The following ZNF346 variants were observed in gnomAD, a reference collection of about 807,000 sequenced individuals.
ZNF346 encodes the protein zinc finger protein 346.
Under a neutral mutation model 33.7 loss-of-function variants are expected in ZNF346, and 23 were observed. That is an observed-to-expected ratio of 0.68 (90% CI 0.49 to 0.97). ZNF346 has a LOEUF of 0.97. Ranked by LOEUF, ZNF346 falls within the 50% of genes least tolerant of loss-of-function variation. The probability of loss-of-function intolerance (pLI) is 0.00; values close to 1 mark genes in which losing one functional copy is unlikely to be tolerated. For missense variants in ZNF346, 340 were observed against 371.1 expected, an observed-to-expected ratio of 0.92 and a Z score of 0.69; for synonymous variants, 134 against 142.4, an observed-to-expected ratio of 0.94 and a Z score of 0.42.
In ZNF346 at chr5:177,064,535, C is replaced by T. The variant is rs1362085515; in HGVS notation, c.821C>T (p.Ser274Phe). The change falls in exon 7 of 7, where the codon TCC becomes TTC. Residue 274 changes from serine (S) to phenylalanine (F), a missense_variant. Coordinates refer to ENST00000358149, the MANE Select transcript of ZNF346 (RefSeq NM_012279.4). Reference sequence around the variant, plus strand: ...AGGTCACCAAAAACAGTGGCATCATCCCTGGGCCAGATTCCAATGCAAAGG... The same window carrying T: ...AGGTCACCAAAAACAGTGGCATCATTCCTGGGCCAGATTCCAATGCAAAGG... ...KNQSPKTVAS[S>F]LGQIPMQRQP... The T allele has an allele frequency of 6.2e-7, 1 of 1,614,106 alleles. No homozygotes were observed. Among genetic ancestry groups the T allele is most frequent in the East Asian group, 2.2e-5 (1 of 44,900 alleles).
downstream of ZNF346, among the ~76,000 whole-genome samples, chr5:177,068,952 C>T (rs1581979678): frequency 4.2e-5 from 6 of 143,534 alleles, no homozygotes; most frequent in South Asian, 1.3e-3. Flanking sequence ...CAGTCACCCT[C>T]CAGATCAAGA....
chr5:177,065,480 C>T lies in ZNF346; in HGVS notation c.*881C>T, dbSNP rs2149711430. The T allele has an allele frequency of 6.5e-6, 1 of 152,832 alleles. No individual in the cohort carries two copies. Among genetic ancestry groups the T allele is most frequent in the Admixed American group, 6.5e-5 (1 of 15,290 alleles). The allele number at this position is 152,832 out of a possible 1,614,324, so 9.5% of individuals were successfully genotyped here. A position where few individuals can be genotyped will look rare whatever the true frequency, so the allele number is the denominator to read the frequency against. ...AGGTTCATTGCTACCCTCGGCCCTA[C>T]TAGCCCTCTCTTCCCCCTTGTGCAG... On this transcript the variant is annotated 3_prime_UTR_variant, in exon 7 of 7. Coordinates refer to ENST00000358149, the MANE Select transcript of ZNF346 (RefSeq NM_012279.4).
chr5:177,074,122 C>T (rs1015318203), intron 8 of ZNF346, among the ~76,000 whole-genome samples: 1 of 152,192 alleles, frequency 6.6e-6, no homozygotes, highest in Non-Finnish European at 1.5e-5. Flanking sequence ...CAGCTAATCA[C>T]AGAATTGTGA....
chr5:177,023,849 T>C (rs1776274349), intron 1 of ZNF346, among the ~76,000 whole-genome samples: 1 of 152,014 alleles, frequency 6.6e-6, no homozygotes, highest in Non-Finnish European at 1.5e-5. Flanking sequence ...AAGTTTAATA[T>C]GCTATTTGTG....
intron 5 of ZNF346, chr5:177,052,825 T>C (rs1781140120): frequency 6.6e-6 from 1 of 152,204 alleles, no homozygotes; most frequent in South Asian, 2.1e-4. Flanking sequence ...GTGAAAGCAA[T>C]AGATGTTGAG....
intron 5 of ZNF346, among the ~76,000 whole-genome samples, chr5:177,056,462 A>G (rs528299880): frequency 6.6e-6 from 1 of 152,284 alleles, no homozygotes; most frequent in Non-Finnish European, 1.5e-5. Context: ...CTATAAAGAC[A>G]CATGTATGTT....
At chr5:177,043,698 A>G (rs949313552) in intron 3 of ZNF346, among the ~76,000 whole-genome samples, 4 of 151,844 alleles carry the variant, frequency 2.6e-5, no homozygotes, top group African/African-American at 7.3e-5. Flanking sequence ...CTGGAGGTGG[A>G]GGTTGCAGTG....
At chr5:177,038,876 T>TGTGTGTGTGTGTG (rs1554145941) in intron 1 of ZNF346, among the ~76,000 whole-genome samples, 1 of 135,358 alleles carries the variant, frequency 7.4e-6, no homozygotes, top group African/African-American at 2.8e-5. Context: ...CTTCTTCTTC[T>TGTGTGTGTGTGTG]TGTGTGTGTG....
chr5:177,058,937 G>A (rs748346469), intron 5 of ZNF346, among the ~76,000 whole-genome samples: 1 of 152,170 alleles, frequency 6.6e-6, no homozygotes, highest in Non-Finnish European at 1.5e-5. Flanking sequence ...GTTTCACCAG[G>A]TTGGCTAGGC....
intron 1 of ZNF346, 62 bp downstream of exon 1, chr5:177,022,975 C>A: frequency 6.9e-7 from 1 of 1,439,774 alleles, no homozygotes; most frequent in South Asian, 1.5e-5. Context: ...CGGGGAACTG[C>A]GGAAGCGCCG....
Position 177,041,187 on chromosome 5 carries a change from C to T in ZNF346, c.237C>T (p.Cys79=), listed in dbSNP as rs200491700. The T allele has an allele frequency of 1.2e-5, 20 of 1,614,066 alleles. No homozygotes were observed. The highest frequency in any genetic ancestry group is 3.3e-4 in the Middle Eastern group (2 of 6,082). ...LFTNTQCKVC[C]ALLISESQKL... is the part of the protein sequence containing the mutation. ...CCAACACCCAGTGTAAGGTTTGCTG[C>T]GCCTTGCTTATTTCTGAGTCCCAGA... Residue 79 remains cysteine (C), a synonymous_variant, in exon 2 of 7, where the codon TGC becomes TGT. Coordinates refer to ENST00000358149, the MANE Select transcript of ZNF346 (RefSeq NM_012279.4).
At chr5:177,044,573 C>T in intron 4 of ZNF346, 40 bp downstream of exon 4, 2 of 1,607,502 alleles carry the variant, frequency 1.2e-6, no homozygotes, top group East Asian at 4.5e-5. Context: ...GGGACCCCTG[C>T]CGTCCTCAGG....
chr5:177,043,626 T>G lies in ZNF346; in HGVS notation c.373-763T>G, dbSNP rs139675078. Reference sequence around the variant, plus strand: ...ATAAAAAATACAAAAATTAGCCGGGTGTGGTGGCATATTCCTGTAGTCTGG... The same window carrying G: ...ATAAAAAATACAAAAATTAGCCGGGGGTGGTGGCATATTCCTGTAGTCTGG... On this transcript the variant is annotated intron_variant, in intron 3 of 6. Coordinates refer to ENST00000358149, the MANE Select transcript of ZNF346 (RefSeq NM_012279.4). 5.5e-3 allele frequency among the ~76,000 whole-genome samples: 834 copies of G among 151,710 alleles called. 4 individuals are homozygous for G. Among genetic ancestry groups the G allele is most frequent in the Non-Finnish European group, 8.7e-3 (594 of 67,902 alleles).
At chr5:177,079,996 G>A (rs1190367763) in exon 9 of ZNF346, 1 of 152,312 alleles carries the variant, frequency 6.6e-6, no homozygotes, top group Non-Finnish European at 1.5e-5. Flanking sequence ...CCAGCCCAGG[G>A]TAGTTAGAAC....
In ZNF346 at chr5:177,066,078, A is replaced by T. The variant is rs541954303; in HGVS notation, c.*1479A>T. 1.2e-4 allele frequency: 18 copies of T among 147,524 alleles called. No homozygotes were observed. The highest frequency in any genetic ancestry group is 1.1e-3 in the Admixed American group (16 of 14,522). 9.1% of individuals were successfully genotyped at this position (147,524 alleles called of 1,614,324 possible). The stretch of plus-strand genomic sequence containing the variant: ...CATTCAGACCTCAGTAGTCCCCAGT[A>T]GTCACTTTAGGAGTTGGGACAGAGT... On this transcript the variant is annotated 3_prime_UTR_variant, in exon 7 of 7. Coordinates refer to ENST00000358149, the MANE Select transcript of ZNF346 (RefSeq NM_012279.4).
At chr5:177,036,276 G>A (rs1289201199) in intron 1 of ZNF346, among the ~76,000 whole-genome samples, 1 of 152,202 alleles carries the variant, frequency 6.6e-6, no homozygotes, top group Non-Finnish European at 1.5e-5. Flanking sequence ...TGGCCTCAGA[G>A]CAGTCAGACT....
At chr5:177,072,655 G>A (rs935636141), downstream of ZNF346, among the ~76,000 whole-genome samples, 1 of 152,168 alleles carries the variant, frequency 6.6e-6, no homozygotes, top group Non-Finnish European at 1.5e-5. Flanking sequence ...TTCAAGGCCA[G>A]CTGGCCAACA....
At chr5:177,073,368 AAC>A (rs1783595048) in intron 8 of ZNF346, among the ~76,000 whole-genome samples, 1 of 152,154 alleles carries the variant, frequency 6.6e-6, no homozygotes, top group South Asian at 2.1e-4. Flanking sequence ...CAGTGGTGCA[AAC>A]ACAGCTCATT....
chr5:177,075,813 A>G (rs1370495284), intron 8 of ZNF346, among the ~76,000 whole-genome samples: 2 of 152,058 alleles, frequency 1.3e-5, no homozygotes, highest in Admixed American at 6.6e-5. Flanking sequence ...CAGCCTCCCA[A>G]TTAGCTGGAA....
Sources: gnomAD v4.1 joint callset for allele counts (sites outside exome capture counted in the v4.1 genomes callset) on GRCh38, gnomAD v4.1.1 for gene constraint, MANE v1.5 for transcripts, NCBI Gene and HGNC (gene_info 2026-07-23, HGNC 2026-07-21) for gene names.